PCYT1A: variants seen among roughly 807,000 people sequenced by gnomAD.
The protein encoded by PCYT1A is phosphate cytidylyltransferase 1A, choline.
Under a neutral mutation model 43.7 loss-of-function variants are expected in PCYT1A, and 25 were observed. The observed-to-expected ratio is 0.57, with a 90% CI of 0.42 to 0.80. The LOEUF (loss-of-function observed/expected upper bound fraction) is 0.80, where lower values mean the gene tolerates loss of function less well. Among genes scored for constraint, PCYT1A ranks in the 30% least tolerant of loss-of-function variants. PCYT1A has a pLI of 0.00. For synonymous variants in PCYT1A, 172 were observed against 170.7 expected, an observed-to-expected ratio of 1.01 and a Z score of -0.06; for missense variants, 421 against 474.2, an observed-to-expected ratio of 0.89 and a Z score of 1.04.
chr3:196,258,973 G>A (rs1447138560), intron 2 of PCYT1A, among the ~76,000 whole-genome samples: 2 of 152,198 alleles, frequency 1.3e-5, no homozygotes, highest in Non-Finnish European at 2.9e-5. Flanking sequence ...AAGTTGTGAA[G>A]TGTTCTCTTT....
Position 196,234,949 on chromosome 3 carries a change from AT to A in PCYT1A, c.*3738del, listed in dbSNP as rs541900358. 10 of 152,248 alleles carry A rather than the reference AT, an allele frequency of 6.6e-5. No individual in the cohort carries two copies. Among genetic ancestry groups the A allele is most frequent in the African/African-American group, 1.7e-4 (7 of 41,470 alleles). 9.4% of individuals were successfully genotyped at this position (152,248 alleles called of 1,614,324 possible). On this transcript the variant is annotated 3_prime_UTR_variant, in exon 9 of 9. Transcript: ENST00000431016. ...TACTTATATTGGTAAGCTTAAAAAAATATCATCAGTTAAAAACATTAAGGGG... is the reference window on the plus strand; with the variant it reads ...TACTTATATTGGTAAGCTTAAAAAAAATCATCAGTTAAAAACATTAAGGGG...
Position 196,234,795 on chromosome 3 carries a change from G to C in PCYT1A, c.*3893C>G, listed in dbSNP as rs1724118284. The C allele has an allele frequency of 6.6e-6, 1 of 152,144 alleles. No homozygotes were observed. Among genetic ancestry groups the C allele is most frequent in the Non-Finnish European group, 1.5e-5 (1 of 68,032 alleles). 9.4% of individuals were successfully genotyped at this position (152,144 alleles called of 1,614,324 possible). A position where few individuals can be genotyped will look rare whatever the true frequency, so the allele number is the denominator to read the frequency against. On this transcript the variant is annotated 3_prime_UTR_variant, in exon 9 of 9. Transcript: ENST00000431016. ...TTAACATTTAATGGTATAATCCCAA[G>C]AACATGTTCTACTTATTTACTTGGA... is the stretch of plus-strand genomic sequence containing the variant.
intron 3 of PCYT1A, among the ~76,000 whole-genome samples, chr3:196,256,759 C>G (rs541009916): frequency 1.3e-5 from 2 of 152,178 alleles, no homozygotes; most frequent in East Asian, 3.9e-4. Flanking sequence ...AGGCTGGTCT[C>G]GAACTCCTGA....
chr3:196,267,457 T>C, intron 2 of PCYT1A: 1 of 393,632 alleles, frequency 2.5e-6, no homozygotes, highest in Non-Finnish European at 5.1e-6. Context: ...GGCTCACACC[T>C]GTAATCCCAC....
At position 196,247,099 on chromosome 3, in the gene PCYT1A, T is replaced by G. The variant is rs1161711870; in HGVS notation, c.486+268A>C. ...GTTTCTCTAGCCCTTGTTACTCATA[T>G]GTAAAGCGGAAATGACAAACACACC... On this transcript the variant is annotated intron_variant, in intron 5 of 8. Transcript: ENST00000431016. This position sits in a 1 kb window ranked among gnomAD's most constrained non-coding sequence, Gnocchi z 4.8. 4.6e-5 allele frequency among the ~76,000 whole-genome samples: 7 copies of G among 152,228 alleles called. No homozygotes were observed. The highest frequency in any genetic ancestry group is 1.0e-4 in the Non-Finnish European group (7 of 68,050).
At chr3:196,263,211 G>C (rs1725167534) in intron 2 of PCYT1A, among the ~76,000 whole-genome samples, 1 of 152,012 alleles carries the variant, frequency 6.6e-6, no homozygotes, top group African/African-American at 2.4e-5. Flanking sequence ...GATCCCAATT[G>C]TTTCTATTTT....
intron 3 of PCYT1A, among the ~76,000 whole-genome samples, chr3:196,250,092 A>G (rs1479945244): frequency 6.7e-6 from 1 of 148,932 alleles, no homozygotes; most frequent in Non-Finnish European, 1.5e-5. Flanking sequence ...CACCATGCCG[A>G]GGCTGAGGAC....
At chr3:196,270,385 C>G in intron 2 of PCYT1A, 30 bp downstream of exon 2, 1 of 1,353,486 alleles carries the variant, frequency 7.4e-7, no homozygotes, top group Non-Finnish European at 1.1e-6. Context: ...CGGTTTCTAC[C>G]CTCCCCCTGC....
At position 196,242,149 on chromosome 3, in the gene PCYT1A, G is replaced by A. The variant is rs1031659867; in HGVS notation, c.566-59C>T. On this transcript the variant is annotated intron_variant, in intron 6 of 8. Transcript: ENST00000431016. The surrounding 1 kb of genome is among the most constrained non-coding windows in gnomAD (Gnocchi z 4.2). ...AGGTTCTGGTTAGCTCAGGTATTAAGACTAAATGGAAATTGGGGGCAACAT... is the reference window on the plus strand; with the variant it reads ...AGGTTCTGGTTAGCTCAGGTATTAAAACTAAATGGAAATTGGGGGCAACAT... The A allele has an allele frequency of 3.2e-5, 50 of 1,553,316 alleles. No homozygotes were observed. Among genetic ancestry groups the A allele is most frequent in the Non-Finnish European group, 4.3e-5 (49 of 1,129,244 alleles).
intron 2 of PCYT1A, among the ~76,000 whole-genome samples, chr3:196,263,951 G>A (rs12630070): frequency 0.49 from 74,959 of 151,982 alleles, 19,089 homozygotes; most frequent in East Asian, 0.89. Context: ...TTTTAAAAAT[G>A]AAAGAAAAGC....
rs1459595410 is a variant in PCYT1A, at chr3:196,247,039, C to A, written c.486+328G>T. Among the ~76,000 whole-genome samples the A allele has an allele frequency of 9.9e-5, 15 of 152,256 alleles. No individual in the cohort carries two copies. On this transcript the variant is annotated intron_variant, in intron 5 of 8. Coordinates refer to ENST00000431016, the MANE Select transcript of PCYT1A (RefSeq NM_001312673.2). This position sits in a 1 kb window ranked among gnomAD's most constrained non-coding sequence, Gnocchi z 4.8. ...AACTTGTGGCGAGTTCAGTTCCCAG[C>A]CCTGCCAATGGTGTAACTTGGAGCA...
chr3:196,237,601 G>A lies in PCYT1A; in HGVS notation c.*1087C>T, dbSNP rs1347385421. 1.3e-5 allele frequency: 2 copies of A among 152,236 alleles called. No homozygotes were observed. Among genetic ancestry groups the A allele is most frequent in the South Asian group, 2.1e-4 (1 of 4,824 alleles). 9.4% of individuals were successfully genotyped at this position (152,236 alleles called of 1,614,324 possible). A position where few individuals can be genotyped will look rare whatever the true frequency, so the allele number is the denominator to read the frequency against. ...AGAGGGACAGAGGTCAAGGTGATAAGGCTGTTGCTTTAGAAAGGAAGGTGT... is the reference window on the plus strand; with the variant it reads ...AGAGGGACAGAGGTCAAGGTGATAAAGCTGTTGCTTTAGAAAGGAAGGTGT... On this transcript the variant is annotated 3_prime_UTR_variant, in exon 9 of 9. Coordinates refer to ENST00000431016, the MANE Select transcript of PCYT1A (RefSeq NM_001312673.2).
At position 196,235,632 on chromosome 3, in the gene PCYT1A, C is replaced by T. The variant is rs1311556340; in HGVS notation, c.*3056G>A. 6.6e-6 allele frequency: 1 copy of T among 152,312 alleles called. No individual in the cohort carries two copies. The highest frequency in any genetic ancestry group is 6.5e-5 in the Admixed American group (1 of 15,290). 9.4% of individuals were successfully genotyped at this position (152,312 alleles called of 1,614,324 possible). On this transcript the variant is annotated 3_prime_UTR_variant, in exon 9 of 9. Coordinates refer to ENST00000431016, the MANE Select transcript of PCYT1A (RefSeq NM_001312673.2). This position sits in a 1 kb window ranked among gnomAD's most constrained non-coding sequence, Gnocchi z 4.3. Reference sequence around the variant, plus strand: ...GGCAGTGGCTGCGCCGGCACCTCCCCGGCTCTGGCCTTCTAATGTCTCACA... The same window carrying T: ...GGCAGTGGCTGCGCCGGCACCTCCCTGGCTCTGGCCTTCTAATGTCTCACA...
rs1724157080 is a variant in PCYT1A at position 196,236,179 on chromosome 3, G to C, written c.*2509C>G. 1 of 152,184 alleles carries C rather than the reference G, an allele frequency of 6.6e-6. No homozygotes were observed. The highest frequency in any genetic ancestry group is 2.4e-5 in the African/African-American group (1 of 41,436). The allele number at this position is 152,184 out of a possible 1,614,324, so 9.4% of individuals were successfully genotyped here. On this transcript the variant is annotated 3_prime_UTR_variant, in exon 9 of 9. Transcript: ENST00000431016. The stretch of plus-strand genomic sequence containing the variant: ...AGAGGGCTCAAACATTTGGGACCCA[G>C]ACAATATATTTAGGAGGTATGGCTC...
chr3:196,244,298 G>A (rs1381174113), intron 5 of PCYT1A, among the ~76,000 whole-genome samples: 4 of 140,502 alleles, frequency 2.8e-5, no homozygotes, highest in African/African-American at 5.4e-5. Flanking sequence ...CCCTCTGCCC[G>A]GCTGCCCAGT....
At position 196,257,833 on chromosome 3, in the gene PCYT1A, G is replaced by T; in HGVS notation, c.172C>A (p.Pro58Thr). 6.2e-7 allele frequency: 1 copy of T among 1,613,112 alleles called. No individual in the cohort carries two copies. The highest frequency in any genetic ancestry group is 8.5e-7 in the Non-Finnish European group (1 of 1,179,206). ...SDEIEVDFSK[P>T]YVRVTMEEAS... Reference sequence around the variant, plus strand: ...TCTTCCATAGTTACCCTGACATAGGGCTTACTAAAGTCAACTTCAATTTCA... The same window carrying T: ...TCTTCCATAGTTACCCTGACATAGGTCTTACTAAAGTCAACTTCAATTTCA... The change falls in exon 3 of 9, where the codon CCC (proline) becomes ACC (threonine). Residue 58 changes from proline to threonine, a missense_variant. Pro to Thr is a conservative substitution (Grantham distance 38, BLOSUM62 -1). Around this residue, in one of 3 missense-constraint regions of PCYT1A, gnomAD observed 139 missense variants for 117.7 expected, o/e 1.18. Transcript: ENST00000431016.
chr3:196,280,567 A>ATTTTTT (rs1725735210), intron 1 of PCYT1A, among the ~76,000 whole-genome samples: 1 of 40,826 alleles, frequency 2.4e-5, no homozygotes, highest in African/African-American at 9.0e-5. Context: ...TGGTATTTTT[A>ATTTTTT]TTGTTTTTTT....
chr3:196,248,039 C>T, intron 4 of PCYT1A, 168 bp downstream of exon 4: 1 of 627,202 alleles, frequency 1.6e-6, no homozygotes, highest in Middle Eastern at 4.4e-4. Flanking sequence ...AAGCTCCTCT[C>T]TCCAGGTTTA....
chr3:196,244,364 C>A (rs1157486397), intron 5 of PCYT1A, among the ~76,000 whole-genome samples: 7 of 150,068 alleles, frequency 4.7e-5, no homozygotes, highest in Non-Finnish European at 1.0e-4. Context: ...AAGTGAGGAG[C>A]GTCTCTGCCC....
Sources: gnomAD v4.1 joint callset for allele counts (sites outside exome capture counted in the v4.1 genomes callset) on GRCh38, gnomAD v4.1.1 for gene constraint, gnomAD v4.1.1 regional missense constraint, Gnocchi (gnomAD v3.1) non-coding constraint, MANE v1.5 for transcripts, NCBI Gene and HGNC (gene_info 2026-07-23, HGNC 2026-07-21) for gene names.